The following KCNT2 variants were observed in gnomAD, a reference collection of about 807,000 sequenced individuals.
KCNT2 encodes the protein potassium channel subfamily T member 2.
Under a neutral mutation model 153.8 loss-of-function variants are expected in KCNT2, and 67 were observed. That is an observed-to-expected ratio of 0.44 (90% confidence interval 0.36 to 0.53). The LOEUF (loss-of-function observed/expected upper bound fraction) is 0.53, where lower values mean the gene tolerates loss of function less well. KCNT2 is among the 20% of genes least tolerant of loss of function. The probability of loss-of-function intolerance (pLI) is 0.00; values close to 1 mark genes in which losing one functional copy is unlikely to be tolerated. For synonymous variants in KCNT2, 500 were observed against 458.8 expected (o/e 1.09, Z -1.15); for missense variants, 975 against 1,354.8 (o/e 0.72, Z 4.40).
chr1:196,397,234 T>A (rs1377309339), intron 13 of KCNT2, among the ~76,000 whole-genome samples: 1 of 151,402 alleles, frequency 6.6e-6, no homozygotes, highest in African/African-American at 2.4e-5. Flanking sequence ...AATTTTGTCA[T>A]AGCAAGTCAT....
intron 14 of KCNT2, among the ~76,000 whole-genome samples, chr1:196,372,444 A>G (rs1274635759): frequency 6.6e-6 from 1 of 151,966 alleles, no homozygotes; most frequent in African/African-American, 2.4e-5. Context: ...ATATGACAAG[A>G]TATGAAATGA....
intron 1 of KCNT2, 138 bp from the exon 2 acceptor site, chr1:196,492,479 A>C: frequency 1.4e-6 from 1 of 708,660 alleles, no homozygotes; most frequent in Non-Finnish European, 1.9e-6. Context: ...TATTTGATTT[A>C]ATGCATTATG....
intron 26 of KCNT2, chr1:196,257,214 G>T (rs1455498952): frequency 1.5e-5 from 15 of 983,000 alleles, no homozygotes; most frequent in Non-Finnish European, 1.8e-5. Flanking sequence ...ATAGTTCCTG[G>T]AGTAGCACAC....
intron 5 of KCNT2, among the ~76,000 whole-genome samples, chr1:196,477,651 A>G (rs1678655583): frequency 6.6e-6 from 1 of 152,114 alleles, no homozygotes. Context: ...CAAAAACATA[A>G]CCTTGAGTAC....
chr1:196,480,824 C>T (rs1202662649), intron 4 of KCNT2, among the ~76,000 whole-genome samples: 57 of 130,164 alleles, frequency 4.4e-4, no homozygotes, highest in Admixed American at 1.0e-3. Flanking sequence ...CCACTGCACT[C>T]CAGCCTGGGC....
At chr1:196,258,581 T>TGTTATA (rs201868196) in intron 25 of KCNT2, 87 bp from the exon 26 acceptor site, 55,599 of 1,034,930 alleles carry the variant, frequency 0.054, 2,013 homozygotes, top group Non-Finnish European at 0.063. Context: ...GCTAATATAT[T>TGTTATA]GTTATATTTC....
chr1:196,550,105 AT>A (rs1657694138), intron 1 of KCNT2, among the ~76,000 whole-genome samples: 1 of 151,910 alleles, frequency 6.6e-6, no homozygotes, highest in Admixed American at 6.6e-5. Context: ...AGTTAAAAAA[AT>A]TTTTTGATAC....
At chr1:196,305,638 G>A (rs765049488) in intron 21 of KCNT2, among the ~76,000 whole-genome samples, 1 of 151,996 alleles carries the variant, frequency 6.6e-6, no homozygotes, top group Non-Finnish European at 1.5e-5. Flanking sequence ...AACTCATAAA[G>A]CTGATTTAAG....
chr1:196,371,735 A>G (rs1005227028), intron 14 of KCNT2, among the ~76,000 whole-genome samples: 3 of 152,060 alleles, frequency 2.0e-5, no homozygotes, highest in Non-Finnish European at 4.4e-5. Context: ...ACTTATGTGA[A>G]GTATAATTCT....
At chr1:196,285,598 A>C in intron 23 of KCNT2, 59 bp downstream of exon 23, 1 of 1,068,480 alleles carries the variant, frequency 9.4e-7, no homozygotes, top group Non-Finnish European at 1.4e-6. Context: ...TATTCATTTA[A>C]ATAAAATCTA....
At chr1:196,287,368 G>A (rs12058062) in intron 22 of KCNT2, among the ~76,000 whole-genome samples, 39,846 of 151,844 alleles carry the variant, frequency 0.26, 7,298 homozygotes, top group African/African-American at 0.52. Flanking sequence ...TGATATGTTA[G>A]ACCCAAATTA....
At chr1:196,594,560 A>T (rs1035212985) in intron 1 of KCNT2, among the ~76,000 whole-genome samples, 1 of 152,166 alleles carries the variant, frequency 6.6e-6, no homozygotes, top group African/African-American at 2.4e-5. Context: ...AGGAGGATCC[A>T]AAACGAATTA....
At chr1:196,316,873 G>T (rs2148024543) in intron 20 of KCNT2, among the ~76,000 whole-genome samples, 1 of 151,780 alleles carries the variant, frequency 6.6e-6, no homozygotes, top group Non-Finnish European at 1.5e-5. Flanking sequence ...GAACTGAATT[G>T]GATAATGGAG....
chr1:196,369,845 A>T (rs1668367578), intron 14 of KCNT2, among the ~76,000 whole-genome samples: 2 of 152,128 alleles, frequency 1.3e-5, no homozygotes, highest in South Asian at 4.1e-4. Flanking sequence ...ATACCCAGTA[A>T]TGGGATGGCT....
At chr1:196,493,469 A>G (rs551223300) in intron 1 of KCNT2, among the ~76,000 whole-genome samples, 2 of 152,242 alleles carry the variant, frequency 1.3e-5, no homozygotes, top group South Asian at 4.1e-4. Context: ...ATTATCTCAT[A>G]AACCCTCTAC....
chr1:196,436,885 C>A (rs1025566365), intron 8 of KCNT2, among the ~76,000 whole-genome samples: 19 of 146,856 alleles, frequency 1.3e-4, no homozygotes, highest in African/African-American at 4.7e-4. Context: ...TTAAAAGTGG[C>A]AAAAGAATTT....
At chr1:196,250,912 C>G (rs1040367015) in intron 26 of KCNT2, among the ~76,000 whole-genome samples, 9 of 152,060 alleles carry the variant, frequency 5.9e-5, no homozygotes, top group Admixed American at 1.3e-4. Flanking sequence ...CAAATCAAAA[C>G]TACCATGATA....
At chr1:196,584,625 CAGAAAAGTATATTGTCAAACATTGTAGTA>C (rs1662454540) in intron 1 of KCNT2, among the ~76,000 whole-genome samples, 1 of 152,050 alleles carries the variant, frequency 6.6e-6, no homozygotes, top group Non-Finnish European at 1.5e-5. Context: ...AACATATTTT[CAGAAAAGTATATTGTCAAACATTGTAGTA>C]ACTAGAAATA....
chr1:196,565,444 A>G (rs1659992683), intron 1 of KCNT2, among the ~76,000 whole-genome samples: 1 of 151,914 alleles, frequency 6.6e-6, no homozygotes, highest in African/African-American at 2.4e-5. Flanking sequence ...GTATACATCC[A>G]AAGGAAAATA....
Sources: allele counts gnomAD v4.1 joint callset (sites outside exome capture counted in the v4.1 genomes callset), GRCh38; gene constraint gnomAD v4.1.1; transcripts MANE v1.5; gene names NCBI Gene and HGNC (gene_info 2026-07-23, HGNC 2026-07-21).